The following RELL1 variants were observed in gnomAD, a reference collection of about 807,000 sequenced individuals.
The protein encoded by RELL1 is RELT like 1.
RELL1 carries 10 observed loss-of-function variants against 23.0 expected under a neutral mutation model. That is an observed-to-expected ratio of 0.43 (90% CI 0.27 to 0.74). The LOEUF is 0.74. Among genes scored for constraint, RELL1 ranks in the 30% least tolerant of loss-of-function variants. The pLI, the probability that RELL1 is intolerant of heterozygous loss-of-function variation, is 0.19. For missense variants in RELL1, 315 were observed against 364.4 expected (o/e 0.86, Z 1.10); for synonymous variants, 146 against 146.8 (o/e 0.99, Z 0.04).
chr4:37,654,125 G>T (rs1376337679), intron 1 of RELL1, among the ~76,000 whole-genome samples: 1 of 152,128 alleles, frequency 6.6e-6, no homozygotes, highest in African/African-American at 2.4e-5. Context: ...TCTACAAAAA[G>T]GTGGGCACTG....
intron 6 of RELL1, among the ~76,000 whole-genome samples, chr4:37,629,057 T>C (rs2109254837): frequency 6.6e-6 from 1 of 152,280 alleles, no homozygotes; most frequent in South Asian, 2.1e-4. Flanking sequence ...TGGCACTAGT[T>C]AGCCAAGCTC....
At chr4:37,600,417 T>C (rs879472495) in intron 6 of RELL1, among the ~76,000 whole-genome samples, 10 of 152,142 alleles carry the variant, frequency 6.6e-5, no homozygotes, top group African/African-American at 9.7e-5. Context: ...CTTCTAATAA[T>C]ACTAATTTCT....
chr4:37,665,735 G>A (rs1186136498), intron 1 of RELL1, among the ~76,000 whole-genome samples: 1 of 152,162 alleles, frequency 6.6e-6, no homozygotes, highest in African/African-American at 2.4e-5. Flanking sequence ...GAAGAAATGG[G>A]GTCAAAGGGG....
intron 5 of RELL1, 92 bp from the exon 6 acceptor site, chr4:37,631,615 A>C: frequency 3.5e-6 from 5 of 1,413,118 alleles, no homozygotes; most frequent in Non-Finnish European, 4.8e-6. Context: ...AGAGGATCTC[A>C]AATGAACTCA....
intron 5 of RELL1, among the ~76,000 whole-genome samples, chr4:37,632,084 G>GAAAAAAAA (rs1183120605): frequency 6.7e-5 from 3 of 44,456 alleles, no homozygotes; most frequent in African/African-American, 9.7e-5. Context: ...TCTCAATAAG[G>GAAAAAAAA]AAAAAAAAAA....
In RELL1 at chr4:37,627,101, C is replaced by T. The variant is rs28435410; in HGVS notation, c.*3+4284G>A. 7.5e-3 allele frequency among the ~76,000 whole-genome samples: 1,138 copies of T among 152,310 alleles called. 13 individuals carry two copies. Among genetic ancestry groups the T allele is most frequent in the African/African-American group, 0.026 (1,063 of 41,564 alleles). On this transcript the variant is annotated intron_variant, in intron 6 of 6. Transcript: ENST00000454158. ...AGCTCAATTTAGCCATCGCAGTGTA[C>T]ACACATTTGAAAACATTACATTGCA...
At chr4:37,628,414 G>A (rs1720021804) in intron 6 of RELL1, among the ~76,000 whole-genome samples, 1 of 152,128 alleles carries the variant, frequency 6.6e-6, no homozygotes, top group Non-Finnish European at 1.5e-5. Flanking sequence ...TACACGGAAT[G>A]TGCCTTTCAA....
chr4:37,657,909 C>T (rs987330460), intron 1 of RELL1, among the ~76,000 whole-genome samples: 6 of 151,886 alleles, frequency 4.0e-5, no homozygotes, highest in South Asian at 2.1e-4. Context: ...GGGGACACAG[C>T]GAGACCCTGT....
chr4:37,605,822 AG>A (rs1346671463), downstream of RELL1, among the ~76,000 whole-genome samples: 431 of 123,014 alleles, frequency 3.5e-3, 6 homozygotes, highest in African/African-American at 9.6e-3. Context: ...AAAGAAAGAA[AG>A]AAAGAAAGAA....
At chr4:37,606,007 AAGG>A (rs1186214386), downstream of RELL1, among the ~76,000 whole-genome samples, 6 of 146,542 alleles carry the variant, frequency 4.1e-5, no homozygotes, top group Non-Finnish European at 7.6e-5. This position sits in a 1 kb window ranked among gnomAD's most constrained non-coding sequence, Gnocchi z 4.1. Flanking sequence ...GGGTAGAAGA[AAGG>A]AGGAAGAGAA....
At chr4:37,670,407 G>C (rs1430891392) in intron 1 of RELL1, among the ~76,000 whole-genome samples, 1 of 152,162 alleles carries the variant, frequency 6.6e-6, no homozygotes, top group Admixed American at 6.5e-5. Context: ...GTTTCCATTG[G>C]TTGGAGGCAG....
intron 1 of RELL1, among the ~76,000 whole-genome samples, chr4:37,663,770 G>A (rs1285855933): frequency 2.0e-5 from 3 of 152,156 alleles, no homozygotes; most frequent in Non-Finnish European, 4.4e-5. Flanking sequence ...AAGTGGCGGT[G>A]GCCTTGGGTT....
chr4:37,665,325 T>C (rs779175331), intron 1 of RELL1: 44 of 456,152 alleles, frequency 9.6e-5, no homozygotes, highest in Non-Finnish European at 1.9e-4. Flanking sequence ...CTGAAGGATG[T>C]AAATATACCA....
chr4:37,671,090 G>T (rs998295203), intron 1 of RELL1, among the ~76,000 whole-genome samples: 1 of 152,138 alleles, frequency 6.6e-6, no homozygotes, highest in Non-Finnish European at 1.5e-5. Flanking sequence ...CTAGCATTTA[G>T]TGCAGACTCC....
At chr4:37,653,453 A>T (rs1721021999) in intron 1 of RELL1, among the ~76,000 whole-genome samples, 1 of 149,372 alleles carries the variant, frequency 6.7e-6, no homozygotes, top group Non-Finnish European at 1.5e-5. Context: ...TACTCAATAC[A>T]AGTATTGAGT....
chr4:37,671,812 C>T (rs1027689054), intron 1 of RELL1, among the ~76,000 whole-genome samples: 1 of 152,148 alleles, frequency 6.6e-6, no homozygotes, highest in Admixed American at 6.5e-5. Flanking sequence ...CGGATTTGCC[C>T]GGAAGTCTTC....
intron 3 of RELL1, among the ~76,000 whole-genome samples, chr4:37,640,523 A>T (rs560391109): frequency 1.3e-5 from 2 of 152,320 alleles, no homozygotes; most frequent in African/African-American, 4.8e-5. Flanking sequence ...CTCAGTATCC[A>T]TGCGGGGATG....
intron 1 of RELL1, among the ~76,000 whole-genome samples, chr4:37,665,006 C>T (rs554061462): frequency 6.6e-6 from 1 of 152,290 alleles, no homozygotes; most frequent in Admixed American, 6.5e-5. Context: ...AGGTTTGTAC[C>T]TCTAATCCCT....
chr4:37,676,919 G>A lies in RELL1; in HGVS notation c.88+9281C>T, dbSNP rs551557162. 5.7e-3 allele frequency among the ~76,000 whole-genome samples: 863 copies of A among 152,154 alleles called. 3 individuals carry two copies. The highest frequency in any genetic ancestry group is 0.01 in the Non-Finnish European group (682 of 68,016). ...GATCTGAGCCTACAATGGCGAACAA[G>A]ACATACACGTAGTCCCTCCCTCACC... On this transcript the variant is annotated intron_variant, in intron 1 of 6. Coordinates refer to ENST00000454158, the MANE Select transcript of RELL1 (RefSeq NM_001085400.2).
Sources: gnomAD v4.1 joint callset for allele counts (sites outside exome capture counted in the v4.1 genomes callset) on GRCh38, gnomAD v4.1.1 for gene constraint, Gnocchi (gnomAD v3.1) non-coding constraint, MANE v1.5 for transcripts, NCBI Gene and HGNC (gene_info 2026-07-23, HGNC 2026-07-21) for gene names.